MEGF11: variants seen among roughly 807,000 people sequenced by gnomAD.
MEGF11 encodes multiple epidermal growth factor-like domains protein 11.
A neutral mutation model predicts 146.6 loss-of-function variants in MEGF11; 126 were observed. That is an observed-to-expected ratio of 0.86 (90% CI 0.74 to 1.00). The LOEUF is 1.00. Ranked by LOEUF, MEGF11 falls within the 50% of genes least tolerant of loss-of-function variation. MEGF11 has a pLI of 0.00. For missense variants in MEGF11, 1,509 were observed against 1,521.2 expected, an observed-to-expected ratio of 0.99 and a Z score of 0.13; for synonymous variants, 532 against 583.4, an observed-to-expected ratio of 0.91 and a Z score of 1.27.
At chr15:66,197,419 T>A (rs1256191218) in intron 1 of MEGF11, among the ~76,000 whole-genome samples, 3 of 152,098 alleles carry the variant, frequency 2.0e-5, no homozygotes, top group Admixed American at 2.0e-4. Flanking sequence ...ATGTTTTTTG[T>A]TGTTTTTGTT....
intron 1 of MEGF11, among the ~76,000 whole-genome samples, chr15:66,235,140 C>T (rs1470746871): frequency 6.6e-6 from 1 of 152,090 alleles, no homozygotes; most frequent in Admixed American, 6.5e-5. Context: ...TTACACATGG[C>T]GGAGGGCGGG....
chr15:66,120,927 T>C (rs1207523591), intron 3 of MEGF11, among the ~76,000 whole-genome samples: 1 of 150,896 alleles, frequency 6.6e-6, no homozygotes, highest in African/African-American at 2.4e-5. Flanking sequence ...CCCATCTTTG[T>C]TTGTCCCTGT....
At chr15:66,211,557 T>C (rs1456591167) in intron 1 of MEGF11, among the ~76,000 whole-genome samples, 3 of 149,396 alleles carry the variant, frequency 2.0e-5, no homozygotes, top group Non-Finnish European at 4.4e-5. Context: ...TCATCCAATG[T>C]GAGCTGCACT....
intron 5 of MEGF11, among the ~76,000 whole-genome samples, chr15:66,073,892 C>G (rs925497807): frequency 2.6e-5 from 4 of 152,192 alleles, no homozygotes; most frequent in African/African-American, 4.8e-5. Flanking sequence ...TGTTTTCCCC[C>G]ACATGAGCTT....
In MEGF11 at chr15:65,951,707, CAAACAAAA is replaced by C. The variant is rs796375205; in HGVS notation, c.1287+5832_1287+5839del. The stretch of plus-strand genomic sequence containing the variant: ...ATCTCAAAACAAACAAACAAACAAA[CAAACAAAA>C]AAACCCCAACAAAGTAGGCTTGTAC... On this transcript the variant is annotated intron_variant, in intron 10 of 25. Coordinates refer to ENST00000395614, the MANE Select transcript of MEGF11 (RefSeq NM_001385028.1). Among the ~76,000 whole-genome samples the C allele has an allele frequency of 4.3e-3, 639 of 149,014 alleles. 3 individuals carry two copies. The highest frequency in any genetic ancestry group is 0.015 in the African/African-American group (604 of 41,162).
At chr15:66,214,853 G>A (rs113308088) in intron 1 of MEGF11, among the ~76,000 whole-genome samples, 1 of 152,128 alleles carries the variant, frequency 6.6e-6, no homozygotes, top group Non-Finnish European at 1.5e-5. Context: ...GAGCTGGAGA[G>A]AAATGAGTGT....
At chr15:66,027,247 C>T (rs1776796929) in intron 5 of MEGF11, among the ~76,000 whole-genome samples, 1 of 152,226 alleles carries the variant, frequency 6.6e-6, no homozygotes, top group African/African-American at 2.4e-5. Flanking sequence ...GGTTCAAATC[C>T]CGACTTTACC....
chr15:66,040,653 G>A (rs528621895), intron 5 of MEGF11, among the ~76,000 whole-genome samples: 1 of 152,278 alleles, frequency 6.6e-6, no homozygotes, highest in Non-Finnish European at 1.5e-5. Context: ...TGGGGAGGGT[G>A]AAGCCAGTGG....
chr15:65,942,845 G>T (rs1439720025), intron 10 of MEGF11, among the ~76,000 whole-genome samples: 2 of 151,904 alleles, frequency 1.3e-5, no homozygotes, highest in African/African-American at 4.8e-5. Flanking sequence ...CAAATCCTGG[G>T]CCTCAGTCTT....
chr15:66,146,305 T>A (rs2089369136), intron 1 of MEGF11, among the ~76,000 whole-genome samples: 1 of 152,224 alleles, frequency 6.6e-6, no homozygotes, highest in Non-Finnish European at 1.5e-5. Context: ...ATGCCATGGT[T>A]TGCCTCCCCT....
intron 6 of MEGF11, among the ~76,000 whole-genome samples, chr15:65,981,503 C>A (rs114237273): frequency 6.6e-6 from 1 of 152,244 alleles, no homozygotes; most frequent in African/African-American, 2.4e-5. Context: ...GACTTGGGAG[C>A]TGGCCAGACA....
chr15:66,044,171 G>A (rs2084103782), intron 5 of MEGF11, among the ~76,000 whole-genome samples: 2 of 152,202 alleles, frequency 1.3e-5, no homozygotes, highest in Non-Finnish European at 2.9e-5. Context: ...GCAAGGTGAT[G>A]TGGAAGGAAT....
At chr15:66,104,685 T>TCTG (rs2086981813) in intron 4 of MEGF11, among the ~76,000 whole-genome samples, 1 of 152,168 alleles carries the variant, frequency 6.6e-6, no homozygotes, top group Non-Finnish European at 1.5e-5. Flanking sequence ...TCTTCTTACA[T>TCTG]TACAGATAAG....
intron 5 of MEGF11, among the ~76,000 whole-genome samples, chr15:66,034,657 C>T (rs549242109): frequency 3.9e-5 from 6 of 152,018 alleles, no homozygotes; most frequent in Non-Finnish European, 8.8e-5. Context: ...TGAACTCAAG[C>T]GATCCTTGCA....
At chr15:66,098,168 G>A (rs1206187835) in intron 4 of MEGF11, among the ~76,000 whole-genome samples, 1 of 152,210 alleles carries the variant, frequency 6.6e-6, no homozygotes, top group Non-Finnish European at 1.5e-5. Flanking sequence ...TTCTGGGGCA[G>A]CAGGTGAGCT....
At chr15:65,924,390 G>T (rs1464669453) in intron 13 of MEGF11, among the ~76,000 whole-genome samples, 1 of 150,502 alleles carries the variant, frequency 6.6e-6, no homozygotes, top group Non-Finnish European at 1.5e-5. Flanking sequence ...GGGGGCAAGT[G>T]GTTTCCTCCC....
chr15:66,007,488 G>A (rs1482270432), intron 5 of MEGF11, among the ~76,000 whole-genome samples: 1 of 152,172 alleles, frequency 6.6e-6, no homozygotes, highest in East Asian at 1.9e-4. Context: ...GGTGGCTCAC[G>A]CCTGTAATCC....
chr15:65,964,060 C>T (rs1463623784), intron 9 of MEGF11, among the ~76,000 whole-genome samples: 1 of 152,260 alleles, frequency 6.6e-6, no homozygotes, highest in East Asian at 1.9e-4. Flanking sequence ...CCCTGACCTT[C>T]ATCACCCAGA....
rs565303615 is a variant in MEGF11 at position 66,168,703 on chromosome 15, G to A, written c.-8-40292C>T. Among the ~76,000 whole-genome samples the A allele has an allele frequency of 6.4e-4, 98 of 152,336 alleles. 1 individual carries two copies. In the South Asian group the frequency reaches 8.3e-3, roughly 13 times the overall value. On this transcript the variant is annotated intron_variant, in intron 1 of 25. Transcript: ENST00000395614. Reference sequence around the variant, plus strand: ...ACATTATTAAAATAAGGCTGGGTTCGGTGGCTTATGCCTGCAATCCCAGCA... The same window carrying A: ...ACATTATTAAAATAAGGCTGGGTTCAGTGGCTTATGCCTGCAATCCCAGCA...
Sources: allele counts gnomAD v4.1 joint callset (sites outside exome capture counted in the v4.1 genomes callset), GRCh38; gene constraint gnomAD v4.1.1; transcripts MANE v1.5; gene names NCBI Gene and HGNC (gene_info 2026-07-23, HGNC 2026-07-21).